Variants in NOS1 observed in about 807,000 individuals in gnomAD.
NOS1 encodes NOS type I.
Under a neutral mutation model 164.5 loss-of-function variants are expected in NOS1, and 51 were observed. That is an observed-to-expected ratio of 0.31 (90% CI 0.25 to 0.39). The LOEUF (loss-of-function observed/expected upper bound fraction) is 0.39. NOS1 is among the 10% of genes least tolerant of loss of function. NOS1 has a pLI of 1.00. For synonymous variants in NOS1, 719 were observed against 745.8 expected (o/e 0.96, Z 0.59); for missense variants, 1,362 against 1,885.6 (o/e 0.72, Z 5.14).
chr12:117,302,117 G>T (rs1442058602), intron 3 of NOS1: 1 of 456,580 alleles, frequency 2.2e-6, no homozygotes, highest in Non-Finnish European at 4.4e-6. Flanking sequence ...TTGAGCTGGG[G>T]GTTCAATGAA....
Position 117,283,472 on chromosome 12 carries a change from G to A in NOS1, c.1382+1769C>T, listed in dbSNP as rs369766226. On this transcript the variant is annotated intron_variant, in intron 7 of 28. Transcript: ENST00000317775. ...TTTCTTTAATAGAAGATCTCACAAA[G>A]ACCCCTTAATACAGCAGTGAAAAAA... 1.6e-4 allele frequency among the ~76,000 whole-genome samples: 25 copies of A among 152,250 alleles called. 1 individual carries two copies. The highest frequency in any genetic ancestry group is 6.5e-4 in the Admixed American group (10 of 15,284).
intron 1 of NOS1, among the ~76,000 whole-genome samples, chr12:117,354,989 G>A (rs545313149): frequency 6.6e-6 from 1 of 152,310 alleles, no homozygotes; most frequent in South Asian, 2.1e-4. Flanking sequence ...AACTGGAAAT[G>A]GGTTTCAGAA....
chr12:117,281,820 C>T (rs1339406345), intron 7 of NOS1, among the ~76,000 whole-genome samples: 2 of 135,468 alleles, frequency 1.5e-5, no homozygotes, highest in Non-Finnish European at 3.1e-5. Context: ...CAGAGCAAGA[C>T]TCCCATCTCA....
At chr12:117,248,106 C>T (rs898349750) in intron 17 of NOS1, among the ~76,000 whole-genome samples, 4 of 152,066 alleles carry the variant, frequency 2.6e-5, no homozygotes, top group African/African-American at 9.6e-5. Flanking sequence ...GAAAGAGAGA[C>T]CTCACTAGAA....
intron 24 of NOS1, 37 bp downstream of exon 24, chr12:117,226,646 T>G: frequency 5.4e-5 from 85 of 1,585,636 alleles, no homozygotes; most frequent in Non-Finnish European, 6.7e-5. Flanking sequence ...TATGCAGATT[T>G]GAGATGATTG....
At chr12:117,270,987 G>A (rs1260457119) in intron 10 of NOS1, among the ~76,000 whole-genome samples, 2 of 152,164 alleles carry the variant, frequency 1.3e-5, no homozygotes, top group African/African-American at 4.8e-5. Context: ...AGGTTGCAGT[G>A]AGCCAAGATC....
chr12:117,256,291 T>C (rs1042259452), intron 16 of NOS1, among the ~76,000 whole-genome samples: 1 of 146,918 alleles, frequency 6.8e-6, no homozygotes, highest in Non-Finnish European at 1.5e-5. Context: ...TCTGTTTTTT[T>C]TTTTTGAGAC....
rs551125771 is a variant in NOS1, at chr12:117,300,648, C to T, written c.853-10222G>A. On this transcript the variant is annotated intron_variant, in intron 3 of 28. Coordinates refer to ENST00000317775, the MANE Select transcript of NOS1 (RefSeq NM_000620.5). ...GGGGGTCTGCTGGTTTGAGGGCACCCTGGGAATGTTGGATCACCCTAAGAA... is the reference window on the plus strand; with the variant it reads ...GGGGGTCTGCTGGTTTGAGGGCACCTTGGGAATGTTGGATCACCCTAAGAA... 8.1e-4 allele frequency among the ~76,000 whole-genome samples: 124 copies of T among 152,176 alleles called. 1 individual carries two copies. The highest frequency in any genetic ancestry group is 2.6e-3 in the African/African-American group (109 of 41,518).
Position 117,337,106 on chromosome 12 carries a change from CTTTTTTTTTTTTT to C in NOS1, c.-420-5630_-420-5618del, listed in dbSNP as rs36054002. 8.7e-3 allele frequency among the ~76,000 whole-genome samples: 561 copies of C among 64,350 alleles called. 9 individuals carry two copies. Among genetic ancestry groups the C allele is most frequent in the African/African-American group, 0.037 (533 of 14,388 alleles). 42.2% of individuals were successfully genotyped at this position (64,350 alleles called of 152,430 possible). On this transcript the variant is annotated intron_variant, in intron 1 of 28. Transcript: ENST00000317775. ...CCACTGTACCCAGCTGCTTTTTACT[CTTTTTTTTTTTTT>C]TTTTTTTTTTTTTTGAGACGGAGTC... is the stretch of plus-strand genomic sequence containing the variant.
intron 3 of NOS1, among the ~76,000 whole-genome samples, chr12:117,303,624 C>T (rs536764179): frequency 2.2e-4 from 33 of 152,282 alleles, no homozygotes; most frequent in African/African-American, 7.2e-4. Flanking sequence ...ACTCGAACCT[C>T]GTACTAAGGG....
At chr12:117,338,898 TTCCCATC>T (rs760942921) in intron 1 of NOS1, among the ~76,000 whole-genome samples, 38 of 152,146 alleles carry the variant, frequency 2.5e-4, no homozygotes, top group Non-Finnish European at 4.1e-4. Context: ...TCAGCCCTGT[TTCCCATC>T]TCCCTCCAAT....
At chr12:117,233,808 C>CAAA (rs374050465) in intron 21 of NOS1, among the ~76,000 whole-genome samples, 26 of 56,972 alleles carry the variant, frequency 4.6e-4, no homozygotes, top group African/African-American at 1.0e-3. Flanking sequence ...AAGTCTGTCT[C>CAAA]AAAAAAAAAA....
At chr12:117,351,470 G>A (rs1337042000) in intron 1 of NOS1, among the ~76,000 whole-genome samples, 1 of 152,150 alleles carries the variant, frequency 6.6e-6, no homozygotes, top group Non-Finnish European at 1.5e-5. Flanking sequence ...GTGTCCATAA[G>A]CTGCTCCTTA....
Position 117,212,282 on chromosome 12 carries a change from T to C in NOS1, c.*3027A>G, listed in dbSNP as rs1956541036. 1.0e-6 allele frequency: 1 copy of C among 985,262 alleles called. No homozygotes were observed. The allele number at this position is 985,262 out of a possible 1,614,324, so 61.0% of individuals were successfully genotyped here. A position where few individuals can be genotyped will look rare whatever the true frequency, so the allele number is the denominator to read the frequency against. ...TTGTTATACAGGTGGGTATGCAGAC[T>C]CTAAAAGGTCAAGTGAGCCGCCCAC... is the stretch of plus-strand genomic sequence containing the variant. On this transcript the variant is annotated 3_prime_UTR_variant, in exon 29 of 29. Transcript: ENST00000317775.
chr12:117,278,136 C>G (rs769688326), intron 8 of NOS1, 38 bp from the exon 9 acceptor site: 2 of 1,582,368 alleles, frequency 1.3e-6, no homozygotes, highest in Non-Finnish European at 1.7e-6. Context: ...CACTGTACCC[C>G]ACACCCTACA....
rs890191841 is a variant in NOS1, at chr12:117,253,629, C to T, written c.2648+9G>A. On this transcript the variant is annotated intron_variant, in intron 17 of 28. Transcript: ENST00000317775. ...CCCTGACCCCCGACCCCCTTATCCC[C>T]TTGCTCACCTCACATTGGCCAGGGG... The T allele has an allele frequency of 1.2e-6, 2 of 1,601,914 alleles. No homozygotes were observed. Among genetic ancestry groups the T allele is most frequent in the Admixed American group, 1.7e-5 (1 of 59,938 alleles).
At position 117,330,300 on chromosome 12, in the gene NOS1, G is replaced by GCGCA. The variant is rs1555261228; in HGVS notation, c.725+44_725+45insTGCG. ...GACGCACATGCACACACACAAGCAT[G>GCGCA]CACACACACACACACACACACACAC... On this transcript the variant is annotated intron_variant, in intron 2 of 28. Transcript: ENST00000317775. This position sits in a 1 kb window ranked among gnomAD's most constrained non-coding sequence, Gnocchi z 4.6. The GCGCA allele has an allele frequency of 3.4e-6, 5 of 1,491,268 alleles. No homozygotes were observed. The highest frequency in any genetic ancestry group is 2.7e-5 in the South Asian group (2 of 73,928). The allele number at this position is 1,491,268 out of a possible 1,614,324, so 92.4% of individuals were successfully genotyped here.
In NOS1 at chr12:117,219,171, G is replaced by T. The variant is rs1317638103; in HGVS notation, c.4170+904C>A. On this transcript the variant is annotated intron_variant, in intron 27 of 28. Transcript: ENST00000317775. ...TTTTTGTATTTTTAGTAGAGACGGG[G>T]TTTCACCATGTTGGTTGGCCAGGAT... 2.0e-5 allele frequency among the ~76,000 whole-genome samples: 3 copies of T among 151,946 alleles called. No homozygotes were observed. In the East Asian group the frequency reaches 5.8e-4, roughly 29 times the overall value.
chr12:117,281,831 A>G (rs1409336869), intron 7 of NOS1, among the ~76,000 whole-genome samples: 1 of 94,150 alleles, frequency 1.1e-5, no homozygotes, highest in Admixed American at 1.2e-4. Context: ...TCCCATCTCA[A>G]AAAAAGAAAA....
Sources: gnomAD v4.1 joint callset for allele counts (sites outside exome capture counted in the v4.1 genomes callset) on GRCh38, gnomAD v4.1.1 for gene constraint, Gnocchi (gnomAD v3.1) non-coding constraint, MANE v1.5 for transcripts, NCBI Gene and HGNC (gene_info 2026-07-23, HGNC 2026-07-21) for gene names.